Variants in FMN2 observed in about 807,000 individuals in gnomAD.
FMN2 encodes formin 2.
A neutral mutation model predicts 142.3 loss-of-function variants in FMN2; 51 were observed. That is an observed-to-expected ratio of 0.36 (90% CI 0.29 to 0.45). The LOEUF (loss-of-function observed/expected upper bound fraction) is 0.45, where lower values mean the gene tolerates loss of function less well. Among genes scored for constraint, FMN2 ranks in the 20% least tolerant of loss-of-function variants. The pLI is 1.00. For missense variants in FMN2, 1,936 were observed against 2,122.8 expected (o/e 0.91, Z 1.73); for synonymous variants, 882 against 869.8 (o/e 1.01, Z -0.25).
chr1:240,092,170 G>T lies in FMN2; in HGVS notation c.61G>T (p.Gly21Cys). Residue 21 changes from glycine to cysteine, a missense_variant, in exon 1 of 18, where the codon GGT (glycine) becomes TGT (cysteine). Physicochemically the swap from Gly to Cys is radical, Grantham distance 159. Transcript: ENST00000319653. The stretch of plus-strand genomic sequence containing the variant: ...AGGTGATGCTTTGCACGAAGGCGGC[G>T]GTGGCGCCGAGGATGCGCTGGGGCC... ...SAGDALHEGG[G>C]GAEDALGPRD... is the part of the protein sequence containing the mutation. 6.3e-7 allele frequency: 1 copy of T among 1,577,774 alleles called. No homozygotes were observed. The highest frequency in any genetic ancestry group is 2.3e-5 in the East Asian group (1 of 43,578).
chr1:240,429,732 A>G (rs1675074174), intron 15 of FMN2, among the ~76,000 whole-genome samples: 1 of 152,156 alleles, frequency 6.6e-6, no homozygotes, highest in Non-Finnish European at 1.5e-5. Flanking sequence ...ATATTGATAT[A>G]TCAGCAACTT....
chr1:240,328,168 A>AAAG (rs1553363686), intron 8 of FMN2, among the ~76,000 whole-genome samples: 4,482 of 133,540 alleles, frequency 0.034, 77 homozygotes, highest in Admixed American at 0.074. Flanking sequence ...AAAAAAAAAA[A>AAAG]AAAAGAAAAA....
intron 2 of FMN2, chr1:240,144,263 A>G (rs1197929744): frequency 6.2e-7 from 1 of 1,600,930 alleles, no homozygotes; most frequent in Non-Finnish European, 8.6e-7. Flanking sequence ...AGAGGAGGCC[A>G]GGTTCATGCG....
chr1:240,204,799 G>T (rs765542692), intron 4 of FMN2, among the ~76,000 whole-genome samples: 2 of 152,008 alleles, frequency 1.3e-5, no homozygotes, highest in Non-Finnish European at 2.9e-5. Flanking sequence ...GGAAAAAGGT[G>T]CCCTAAAGAT....
intron 13 of FMN2, among the ~76,000 whole-genome samples, chr1:240,352,272 G>A (rs1460037950): frequency 6.6e-6 from 1 of 152,144 alleles, no homozygotes. Context: ...TCAGTAGATA[G>A]TTGATCGATA....
At chr1:240,227,767 A>T (rs1667365601) in intron 6 of FMN2, among the ~76,000 whole-genome samples, 1 of 152,312 alleles carries the variant, frequency 6.6e-6, no homozygotes, top group African/African-American at 2.4e-5. Flanking sequence ...GAGATTAGGC[A>T]ATGGTTTCTT....
At chr1:240,254,989 C>A (rs990403258) in intron 6 of FMN2, among the ~76,000 whole-genome samples, 1 of 152,158 alleles carries the variant, frequency 6.6e-6, no homozygotes, top group East Asian at 1.9e-4. Context: ...GCCTGATCTC[C>A]GGGTGGCTCC....
rs1219520678 is a variant in FMN2, at chr1:240,114,948, G to T, written c.1616-8231G>T. Among the ~76,000 whole-genome samples the T allele has an allele frequency of 2.6e-5, 4 of 152,072 alleles. 1 individual carries two copies. Among genetic ancestry groups the T allele is most frequent in the Non-Finnish European group, 5.9e-5 (4 of 68,014 alleles). On this transcript the variant is annotated intron_variant, in intron 1 of 17. Transcript: ENST00000319653. Reference sequence around the variant, plus strand: ...TGGGATTACAGGCGTGAGCCACCGCGCCCGGCCAATTCTATCATTCCTTTT... The same window carrying T: ...TGGGATTACAGGCGTGAGCCACCGCTCCCGGCCAATTCTATCATTCCTTTT...
chr1:240,343,247 C>G (rs1211926829), intron 13 of FMN2, among the ~76,000 whole-genome samples: 1 of 152,226 alleles, frequency 6.6e-6, no homozygotes, highest in Non-Finnish European at 1.5e-5. Context: ...TATGACTACT[C>G]TGTGTCACTG....
At chr1:240,348,772 G>A (rs1453348123) in intron 13 of FMN2, among the ~76,000 whole-genome samples, 18 of 151,994 alleles carry the variant, frequency 1.2e-4, no homozygotes, top group Admixed American at 1.2e-3. Flanking sequence ...TTTAACTCTC[G>A]CTTTTGTCAG....
At chr1:240,117,561 C>T (rs182476561) in intron 1 of FMN2, among the ~76,000 whole-genome samples, 6 of 152,240 alleles carry the variant, frequency 3.9e-5, no homozygotes, top group Admixed American at 2.0e-4. Flanking sequence ...GAATTTAAGC[C>T]GCTGCGGAAG....
At chr1:240,161,752 G>T (rs1013119300) in intron 2 of FMN2, among the ~76,000 whole-genome samples, 28 of 152,042 alleles carry the variant, frequency 1.8e-4, no homozygotes, top group African/African-American at 6.8e-4. Context: ...ATGAGATGGG[G>T]TCAACTGGGT....
At chr1:240,143,267 G>C in intron 2 of FMN2, 1 of 1,562,416 alleles carries the variant, frequency 6.4e-7, no homozygotes, top group Non-Finnish European at 8.8e-7. Context: ...ATTTGCTTAG[G>C]GTATCCAGGA....
intron 13 of FMN2, among the ~76,000 whole-genome samples, chr1:240,345,802 T>C (rs905918810): frequency 6.6e-6 from 1 of 151,958 alleles, no homozygotes; most frequent in African/African-American, 2.4e-5. Flanking sequence ...TCTTATTAAG[T>C]CAAAAATGTC....
intron 6 of FMN2, among the ~76,000 whole-genome samples, chr1:240,234,889 CAT>C (rs1489493235): frequency 2.0e-5 from 3 of 152,056 alleles, no homozygotes; most frequent in Non-Finnish European, 4.4e-5. Flanking sequence ...AAATCCTGGC[CAT>C]GTCAGCTTCT....
intron 15 of FMN2, among the ~76,000 whole-genome samples, chr1:240,416,262 CTTT>C (rs11417639): frequency 4.4e-5 from 6 of 135,126 alleles, no homozygotes; most frequent in African/African-American, 2.8e-5. Context: ...CCTTTCCACT[CTTT>C]TTTTTTTTTT....
intron 7 of FMN2, among the ~76,000 whole-genome samples, chr1:240,288,721 C>T (rs951328153): frequency 2.6e-5 from 4 of 151,956 alleles, no homozygotes; most frequent in African/African-American, 9.7e-5. Flanking sequence ...GGCCCTGTCT[C>T]GTATGCCCTT....
intron 2 of FMN2, among the ~76,000 whole-genome samples, chr1:240,172,999 G>C (rs554278790): frequency 3.9e-5 from 6 of 151,966 alleles, no homozygotes; most frequent in African/African-American, 1.4e-4. Context: ...ACAGTGGCCT[G>C]ATCTTGGCTC....
chr1:240,122,080 ATTTATTT>A (rs1662296371), intron 1 of FMN2, among the ~76,000 whole-genome samples: 1 of 145,972 alleles, frequency 6.9e-6, no homozygotes, highest in Non-Finnish European at 1.5e-5. Flanking sequence ...TAATTAATTT[ATTTATTT>A]ATTTATGAAT....
Sources: allele counts gnomAD v4.1 joint callset (sites outside exome capture counted in the v4.1 genomes callset), GRCh38; gene constraint gnomAD v4.1.1; transcripts MANE v1.5; gene names NCBI Gene and HGNC (gene_info 2026-07-23, HGNC 2026-07-21).